RUNX2: variants seen among roughly 807,000 people sequenced by gnomAD.
RUNX2 encodes the protein runt-related transcription factor 2.
A neutral mutation model predicts 51.7 loss-of-function variants in RUNX2; 10 were observed. The ratio of observed to expected loss-of-function variants is 0.19; its 90% CI spans 0.12 to 0.33. The LOEUF (loss-of-function observed/expected upper bound fraction) is 0.33, where lower values mean the gene tolerates loss of function less well. RUNX2 is among the 10% of genes least tolerant of loss of function. The pLI is 1.00. For synonymous variants in RUNX2, 276 were observed against 273.6 expected, an observed-to-expected ratio of 1.01 and a Z score of -0.09; for missense variants, 562 against 691.3, an observed-to-expected ratio of 0.81 and a Z score of 2.10.
intron 5 of RUNX2, among the ~76,000 whole-genome samples, chr6:45,479,643 C>T (rs1800053860): frequency 6.6e-6 from 1 of 152,070 alleles, no homozygotes; most frequent in Admixed American, 6.6e-5. Context: ...CAAAGAAAAA[C>T]ATTTTGCCAA....
chr6:45,491,149 G>A (rs1800447720), intron 5 of RUNX2, among the ~76,000 whole-genome samples: 2 of 152,092 alleles, frequency 1.3e-5, no homozygotes, highest in Admixed American at 1.3e-4. Context: ...AAGAGAGATA[G>A]AAAGGCTCCC....
intron 7 of RUNX2, among the ~76,000 whole-genome samples, chr6:45,524,485 C>T (rs1407853463): frequency 1.3e-5 from 2 of 152,046 alleles, no homozygotes; most frequent in Non-Finnish European, 2.9e-5. Context: ...AAACGGTCAC[C>T]GTTCCAGCTC....
chr6:45,348,739 T>C (rs1396429974), intron 2 of RUNX2, among the ~76,000 whole-genome samples: 1 of 151,532 alleles, frequency 6.6e-6, no homozygotes, highest in African/African-American at 2.4e-5. Context: ...TGAAATAATA[T>C]ATAGGAAGAT....
At chr6:45,390,300 T>A (rs1252344764) in intron 2 of RUNX2, among the ~76,000 whole-genome samples, 3 of 152,240 alleles carry the variant, frequency 2.0e-5, no homozygotes, top group Non-Finnish European at 4.4e-5. Flanking sequence ...CAATATGTTG[T>A]CTGGTGAGGG....
chr6:45,545,278 G>A lies in RUNX2; in HGVS notation c.1083G>A (p.Gln361=), dbSNP rs1425865616. The change falls in exon 8 of 9, where the codon CAG becomes CAA. Residue 361 remains glutamine (Q), a synonymous_variant. Coordinates refer to ENST00000647337, the MANE Select transcript of RUNX2 (RefSeq NM_001024630.4). ...CTTCCACTCTCAGTAAGAAGAGCCA[G>A]GCAGGTGAGACTTTTAACAATTGCT... ...LWPSTLSKKS[Q]AGASELGPFS... 6.4e-7 allele frequency: 1 copy of A among 1,550,544 alleles called. No individual in the cohort carries two copies. Among genetic ancestry groups the A allele is most frequent in the Non-Finnish European group, 8.7e-7 (1 of 1,146,918 alleles).
At chr6:45,462,505 T>C (rs896688184) in intron 5 of RUNX2, among the ~76,000 whole-genome samples, 1 of 152,236 alleles carries the variant, frequency 6.6e-6, no homozygotes, top group Non-Finnish European at 1.5e-5. Context: ...AAAACAAACC[T>C]TAAGCATGAA....
rs149286392 is a variant in RUNX2 at position 45,465,746 on chromosome 6, C to T, written c.686-26195C>T. Among the ~76,000 whole-genome samples, 4 of 151,502 alleles carry T rather than the reference C, an allele frequency of 2.6e-5. No individual in the cohort carries two copies. In the East Asian group the frequency reaches 7.8e-4, roughly 29 times the overall value. ...AAGCCTCTAGGCTCAGGTGATTCTC[C>T]CACCTCAGCCTCTTGAGTAGCTGGG... On this transcript the variant is annotated intron_variant, in intron 5 of 8. Transcript: ENST00000647337.
chr6:45,386,116 G>A (rs1797342542), intron 2 of RUNX2, among the ~76,000 whole-genome samples: 1 of 147,086 alleles, frequency 6.8e-6, no homozygotes, highest in African/African-American at 2.5e-5. Flanking sequence ...TGCCCAGGCT[G>A]GAGTGCAATG....
intron 5 of RUNX2, among the ~76,000 whole-genome samples, chr6:45,474,303 G>A (rs1799889898): frequency 6.6e-6 from 1 of 151,918 alleles, no homozygotes; most frequent in African/African-American, 2.4e-5. Context: ...AATGGCTAGG[G>A]AATATTTGGG....
At chr6:45,440,904 T>C (rs1798824832) in intron 5 of RUNX2, among the ~76,000 whole-genome samples, 1 of 152,154 alleles carries the variant, frequency 6.6e-6, no homozygotes, top group South Asian at 2.1e-4. Context: ...TTTCGGATTT[T>C]CAGATTAAGG....
In RUNX2 at chr6:45,414,754, C is replaced by CTTTTTTT. The variant is rs34672680; in HGVS notation, c.59-7815_59-7809dup. ...ATCTCTCCACCTTCCCAGATCCTGG[C>CTTTTTTT]TTTTTTTTTTTTTTTTTTTTTTTTT... On this transcript the variant is annotated intron_variant, in intron 2 of 8. Transcript: ENST00000647337. Among the ~76,000 whole-genome samples, 22 of 33,452 alleles carry CTTTTTTT rather than the reference C, an allele frequency of 6.6e-4. 4 individuals are homozygous for CTTTTTTT. In the East Asian group the frequency reaches 9.6e-3, roughly 15 times the overall value. The allele number at this position is 33,452 out of a possible 152,430, so 21.9% of individuals were successfully genotyped here. A position where few individuals can be genotyped will look rare whatever the true frequency, so the allele number is the denominator to read the frequency against.
chr6:45,539,144 T>C (rs1011466268), intron 7 of RUNX2, among the ~76,000 whole-genome samples: 1 of 152,110 alleles, frequency 6.6e-6, no homozygotes, highest in African/African-American at 2.4e-5. Context: ...GGAAATATAT[T>C]CTTCCAACAA....
At chr6:45,504,983 G>T (rs904625529) in intron 6 of RUNX2, among the ~76,000 whole-genome samples, 3 of 152,144 alleles carry the variant, frequency 2.0e-5, no homozygotes, top group African/African-American at 7.2e-5. Flanking sequence ...AGACAGCTTT[G>T]GCAGAATCAC....
At chr6:45,546,059 C>T (rs1302087988) in intron 8 of RUNX2, among the ~76,000 whole-genome samples, 2 of 152,126 alleles carry the variant, frequency 1.3e-5, no homozygotes, top group African/African-American at 2.4e-5. Flanking sequence ...GCGAGCCTCT[C>T]GCAAAAGCTA....
At chr6:45,416,143 G>A (rs561735907) in intron 2 of RUNX2, among the ~76,000 whole-genome samples, 1 of 152,256 alleles carries the variant, frequency 6.6e-6, no homozygotes, top group African/African-American at 2.4e-5. Flanking sequence ...TTAGAATGGT[G>A]ACTTATAATA....
intron 7 of RUNX2, among the ~76,000 whole-genome samples, chr6:45,533,116 G>A (rs1428504072): frequency 6.8e-6 from 1 of 146,962 alleles, no homozygotes; most frequent in Non-Finnish European, 1.5e-5. Flanking sequence ...AAACATTGAA[G>A]ATGAAACCCC....
In RUNX2 at chr6:45,375,838, AC is replaced by A. The variant is rs562517737; in HGVS notation, c.59-46754del. 2.0e-3 allele frequency among the ~76,000 whole-genome samples: 300 copies of A among 152,152 alleles called. 1 individual carries two copies. The highest frequency in any genetic ancestry group is 6.6e-3 in the African/African-American group (275 of 41,520). ...TATACACTTGCTTTAAAAAAAAAAA[AC>A]AGATGCACATATTTCAAGTAAAGTA... On this transcript the variant is annotated intron_variant, in intron 2 of 8. Coordinates refer to ENST00000647337, the MANE Select transcript of RUNX2 (RefSeq NM_001024630.4).
At chr6:45,439,811 A>T (rs1798792569) in intron 5 of RUNX2, among the ~76,000 whole-genome samples, 1 of 152,192 alleles carries the variant, frequency 6.6e-6, no homozygotes. Context: ...TATGACAATA[A>T]GTGAGAAGGC....
chr6:45,541,248 A>C (rs1353372773), intron 7 of RUNX2, among the ~76,000 whole-genome samples: 2 of 152,214 alleles, frequency 1.3e-5, no homozygotes, highest in Non-Finnish European at 2.9e-5. Flanking sequence ...TACCATCCAA[A>C]GCTGACTTTA....
Sources: allele counts gnomAD v4.1 joint callset (sites outside exome capture counted in the v4.1 genomes callset), GRCh38; gene constraint gnomAD v4.1.1; transcripts MANE v1.5; gene names NCBI Gene and HGNC (gene_info 2026-07-23, HGNC 2026-07-21).